Variants in PRKCE observed in about 807,000 individuals in gnomAD.
PRKCE encodes protein kinase C epsilon type.
Under a neutral mutation model 85.4 loss-of-function variants are expected in PRKCE, and 16 were observed. That is an observed-to-expected ratio of 0.19 (90% CI 0.13 to 0.28). The LOEUF (loss-of-function observed/expected upper bound fraction) is 0.28. Among genes scored for constraint, PRKCE ranks in the 10% least tolerant of loss-of-function variants. The pLI, the probability that PRKCE is intolerant of heterozygous loss-of-function variation, is 1.00. For missense variants in PRKCE, 573 were observed against 975.2 expected (o/e 0.59, Z 5.49); for synonymous variants, 388 against 371.5 (o/e 1.04, Z -0.51).
chr2:46,111,833 G>A (rs138413264), intron 11 of PRKCE, among the ~76,000 whole-genome samples: 124 of 152,326 alleles, frequency 8.1e-4, no homozygotes, highest in African/African-American at 2.9e-3. Flanking sequence ...ATACCTAGGA[G>A]TGGACTTGCT....
At chr2:45,676,678 G>C (rs1406862369) in intron 1 of PRKCE, 1 of 152,254 alleles carries the variant, frequency 6.6e-6, no homozygotes, top group African/African-American at 2.4e-5. Flanking sequence ...GTAATAGAAG[G>C]CTCAGCTCAG....
chr2:45,756,850 C>T (rs1684044444), intron 1 of PRKCE, among the ~76,000 whole-genome samples: 2 of 152,128 alleles, frequency 1.3e-5, no homozygotes, highest in Admixed American at 6.5e-5. Context: ...AGATTATAAA[C>T]TCTATGAGGA....
intron 1 of PRKCE, among the ~76,000 whole-genome samples, chr2:45,796,484 TATG>T (rs1687445937): frequency 6.6e-6 from 1 of 152,220 alleles, no homozygotes; most frequent in African/African-American, 2.4e-5. Flanking sequence ...TTATATCTCT[TATG>T]ATGATTTCAC....
At chr2:45,974,375 G>A (rs1702300060) in intron 2 of PRKCE, among the ~76,000 whole-genome samples, 1 of 152,202 alleles carries the variant, frequency 6.6e-6, no homozygotes, top group Admixed American at 6.5e-5. Flanking sequence ...GTACCCAGAA[G>A]GTCGGTGATG....
intron 6 of PRKCE, among the ~76,000 whole-genome samples, chr2:45,987,203 A>G (rs1342876531): frequency 1.3e-5 from 2 of 152,086 alleles, no homozygotes; most frequent in African/African-American, 4.8e-5. Context: ...CAGTGTATTC[A>G]GCTCTTGTTG....
chr2:46,134,297 A>C (rs985736522), intron 11 of PRKCE, among the ~76,000 whole-genome samples: 1 of 152,090 alleles, frequency 6.6e-6, no homozygotes, highest in African/African-American at 2.4e-5. Context: ...GAGGATAGAC[A>C]CTCATAGTGG....
At chr2:46,126,903 C>A (rs1346208773) in intron 11 of PRKCE, among the ~76,000 whole-genome samples, 1 of 152,218 alleles carries the variant, frequency 6.6e-6, no homozygotes, top group Non-Finnish European at 1.5e-5. Context: ...AGACCCACTT[C>A]AGCGGTTTAC....
intron 1 of PRKCE, among the ~76,000 whole-genome samples, chr2:45,792,240 T>C (rs562761645): frequency 1.3e-5 from 2 of 152,202 alleles, no homozygotes; most frequent in African/African-American, 4.8e-5. Flanking sequence ...TCACCAGAAG[T>C]AATCCAGTCT....
chr2:45,830,972 G>A (rs972562094), intron 1 of PRKCE, among the ~76,000 whole-genome samples: 9 of 152,210 alleles, frequency 5.9e-5, no homozygotes. Flanking sequence ...CAAGACAGTG[G>A]CTGCACCCAG....
At chr2:46,129,676 CA>C (rs984440578) in intron 11 of PRKCE, among the ~76,000 whole-genome samples, 9 of 152,224 alleles carry the variant, frequency 5.9e-5, no homozygotes, top group Non-Finnish European at 1.3e-4. Flanking sequence ...TCGGGCACTC[CA>C]GGCAGCCTCG....
At chr2:45,785,957 C>T (rs920674437) in intron 1 of PRKCE, among the ~76,000 whole-genome samples, 1 of 152,174 alleles carries the variant, frequency 6.6e-6, no homozygotes, top group Non-Finnish European at 1.5e-5. Flanking sequence ...CCCTTAGGCA[C>T]CTGCTGCTGA....
chr2:45,903,576 T>A (rs922038962), intron 2 of PRKCE, among the ~76,000 whole-genome samples: 2 of 152,232 alleles, frequency 1.3e-5, no homozygotes, highest in African/African-American at 4.8e-5. Context: ...TTCCAAATAT[T>A]GCATGTCACA....
intron 1 of PRKCE, among the ~76,000 whole-genome samples, chr2:45,655,846 GAAAAAAAAAAAA>G (rs34853762): frequency 3.0e-5 from 2 of 66,260 alleles, no homozygotes; most frequent in East Asian, 4.6e-4. Flanking sequence ...CCTGTCTCTT[GAAAAAAAAAAAA>G]AAAAAAAAAA....
intron 4 of PRKCE, among the ~76,000 whole-genome samples, chr2:45,979,228 A>T (rs897731691): frequency 1.3e-5 from 2 of 152,176 alleles, no homozygotes; most frequent in Admixed American, 6.5e-5. Flanking sequence ...TTGTGATCTC[A>T]GCAGGTCCCC....
chr2:45,974,360 T>C (rs1358628023), intron 2 of PRKCE, among the ~76,000 whole-genome samples: 1 of 152,144 alleles, frequency 6.6e-6, no homozygotes, highest in Non-Finnish European at 1.5e-5. Context: ...GGTGGTGAGC[T>C]TTCTGTACCC....
chr2:45,897,918 G>T (rs1402210912), intron 2 of PRKCE, among the ~76,000 whole-genome samples: 1 of 152,182 alleles, frequency 6.6e-6, no homozygotes, highest in African/African-American at 2.4e-5. Context: ...TAAACTGCTG[G>T]TAGGATACTG....
chr2:45,968,918 C>T (rs972091273), intron 2 of PRKCE, among the ~76,000 whole-genome samples: 1 of 151,850 alleles, frequency 6.6e-6, no homozygotes, highest in Non-Finnish European at 1.5e-5. Context: ...AGAAGTCTCA[C>T]CCCCAAAGAA....
intron 2 of PRKCE, among the ~76,000 whole-genome samples, chr2:45,876,301 C>T (rs1323236049): frequency 2.0e-5 from 3 of 152,190 alleles, no homozygotes; most frequent in African/African-American, 7.2e-5. Flanking sequence ...AGAACACAAA[C>T]CCTCTGTCAT....
At chr2:45,886,586 A>G (rs75046950) in intron 2 of PRKCE, among the ~76,000 whole-genome samples, 2,161 of 152,326 alleles carry the variant, frequency 0.014, 23 homozygotes, top group African/African-American at 0.032. Context: ...CATCTTGGAG[A>G]ATAGCACAAA....
Sources: allele counts gnomAD v4.1 joint callset (sites outside exome capture counted in the v4.1 genomes callset), GRCh38; gene constraint gnomAD v4.1.1; transcripts MANE v1.5; gene names NCBI Gene and HGNC (gene_info 2026-07-23, HGNC 2026-07-21).